Variants in RC3H2 observed in about 807,000 individuals in gnomAD.
RC3H2 encodes roquin-2.
In RC3H2, 31 loss-of-function variants were observed where a neutral mutation model predicts 133.3. The observed-to-expected ratio is 0.23, with a 90% CI of 0.17 to 0.31. The LOEUF (loss-of-function observed/expected upper bound fraction) is 0.31, where lower values mean the gene tolerates loss of function less well. Among genes scored for constraint, RC3H2 ranks in the 10% least tolerant of loss-of-function variants. RC3H2 has a pLI of 1.00. For missense variants in RC3H2, 1,175 were observed against 1,437.2 expected, an observed-to-expected ratio of 0.82 and a Z score of 2.95; for synonymous variants, 517 against 502.2, an observed-to-expected ratio of 1.03 and a Z score of -0.40.
intron 1 of RC3H2, among the ~76,000 whole-genome samples, chr9:122,902,234 T>C (rs1464042185): frequency 1.3e-5 from 2 of 152,180 alleles, no homozygotes; most frequent in Non-Finnish European, 2.9e-5. Context: ...CCCAGCCAAC[T>C]TTCTATTTTA....
At chr9:122,894,821 A>C (rs2131498209) in intron 2 of RC3H2, among the ~76,000 whole-genome samples, 1 of 152,288 alleles carries the variant, frequency 6.6e-6, no homozygotes, top group East Asian at 1.9e-4. Context: ...TGGAGGTTGC[A>C]GTGAGCCGAG....
intron 4 of RC3H2, among the ~76,000 whole-genome samples, chr9:122,884,315 GAAC>G (rs1367813525): frequency 6.6e-6 from 1 of 151,890 alleles, no homozygotes; most frequent in African/African-American, 2.4e-5. Context: ...TAAACACACA[GAAC>G]TACTCTGACA....
intron 5 of RC3H2, 66 bp from the exon 6 acceptor site, chr9:122,880,860 T>C: frequency 8.3e-7 from 1 of 1,204,020 alleles, no homozygotes. Flanking sequence ...GATTCGTTTA[T>C]TCCTTTTTCA....
chr9:122,862,297 T>G (rs573828555), intron 10 of RC3H2, among the ~76,000 whole-genome samples: 34 of 152,334 alleles, frequency 2.2e-4, no homozygotes, highest in African/African-American at 7.9e-4. Context: ...TTGGAACTTA[T>G]AGAAAAAGCT....
At chr9:122,867,281 G>C in intron 9 of RC3H2, among the ~76,000 whole-genome samples, 1 of 111,268 alleles carries the variant, frequency 9.0e-6, no homozygotes, top group Admixed American at 8.0e-5. Context: ...GGAGGGAGGT[G>C]GGGGGGTCAG....
intron 9 of RC3H2, among the ~76,000 whole-genome samples, chr9:122,867,076 G>A (rs1184719705): frequency 7.2e-6 from 1 of 138,150 alleles, no homozygotes; most frequent in East Asian, 2.1e-4. Flanking sequence ...GAGGTGAGGA[G>A]CGTCTCTGCC....
intron 8 of RC3H2, among the ~76,000 whole-genome samples, chr9:122,878,283 T>C (rs1310270391): frequency 6.6e-6 from 1 of 152,208 alleles, no homozygotes; most frequent in Non-Finnish European, 1.5e-5. Context: ...ATTTTTATCT[T>C]TGAGACGGAG....
intron 8 of RC3H2, among the ~76,000 whole-genome samples, chr9:122,879,207 C>A (rs183850896): frequency 9.0e-4 from 137 of 151,634 alleles, no homozygotes; most frequent in African/African-American, 3.1e-3. Context: ...ACCAGCCTGG[C>A]CAACATGGTA....
chr9:122,875,613 G>A (rs1221043597), intron 9 of RC3H2, among the ~76,000 whole-genome samples: 1 of 152,184 alleles, frequency 6.6e-6, no homozygotes, highest in Non-Finnish European at 1.5e-5. Context: ...AATTTTATGT[G>A]ATAAGTGTTT....
intron 20 of RC3H2, 79 bp downstream of exon 20, chr9:122,851,002 G>A (rs1394170497): frequency 6.6e-7 from 1 of 1,518,554 alleles, no homozygotes; most frequent in African/African-American, 1.4e-5. Flanking sequence ...ACAGCATAAA[G>A]CCAAAAATTA....
chr9:122,890,616 G>T, intron 3 of RC3H2, 71 bp from the exon 4 acceptor site: 1 of 1,179,790 alleles, frequency 8.5e-7, no homozygotes, highest in Non-Finnish European at 1.2e-6. Flanking sequence ...TTCATTATCT[G>T]CATTTAACGA....
At chr9:122,855,685 T>G in intron 14 of RC3H2, 47 bp downstream of exon 14, 1 of 1,569,490 alleles carries the variant, frequency 6.4e-7, no homozygotes, top group Non-Finnish European at 8.6e-7. Context: ...TGAGTGAACA[T>G]GCATCATCTC....
chr9:122,903,528 A>G (rs184596872), intron 1 of RC3H2, among the ~76,000 whole-genome samples: 4 of 152,362 alleles, frequency 2.6e-5, no homozygotes, highest in Admixed American at 2.6e-4. Flanking sequence ...TATATGAACA[A>G]AGGACGTAAG....
intron 13 of RC3H2, among the ~76,000 whole-genome samples, chr9:122,856,259 T>C (rs1053527448): frequency 3.3e-5 from 5 of 152,150 alleles, no homozygotes; most frequent in Non-Finnish European, 7.3e-5. Context: ...ATAATTTTCT[T>C]TTTTCTTTTG....
At chr9:122,895,413 C>T (rs545873685) in intron 2 of RC3H2, among the ~76,000 whole-genome samples, 2 of 152,178 alleles carry the variant, frequency 1.3e-5, no homozygotes, top group Non-Finnish European at 2.9e-5. Context: ...AGCAGCCTGC[C>T]CACTTCAGCC....
At chr9:122,901,928 C>CTT (rs542589870) in intron 1 of RC3H2, among the ~76,000 whole-genome samples, 7 of 116,866 alleles carry the variant, frequency 6.0e-5, no homozygotes, top group Non-Finnish European at 9.2e-5. Flanking sequence ...ATAACTACTT[C>CTT]TTTTTTTTTT....
At chr9:122,867,285 G>A (rs1830742137) in intron 9 of RC3H2, among the ~76,000 whole-genome samples, 3 of 73,498 alleles carry the variant, frequency 4.1e-5, no homozygotes, top group Non-Finnish European at 5.6e-5. Flanking sequence ...GGAGGTGGGG[G>A]GGTCAGCCCC....
chr9:122,858,826 T>C lies in RC3H2; in HGVS notation c.2126A>G (p.Asp709Gly), dbSNP rs1196865315. The C allele has an allele frequency of 2.5e-6, 4 of 1,614,282 alleles. No individual in the cohort carries two copies. Among genetic ancestry groups the C allele is most frequent in the Non-Finnish European group, 3.4e-6 (4 of 1,180,056 alleles). Residue 709 changes from aspartate (D) to glycine (G), a missense_variant, in exon 12 of 21, where the codon GAT (aspartate) becomes GGT (glycine). This residue lies in a region of RC3H2 where 490 missense variants were observed against 492.8 expected (regional missense o/e 0.99). Transcript: ENST00000357244. ...TAAAGAATTGCTTCTAATAATGTCA[T>C]CTCGTTGGTACATAGGTGGGCGCCA... Reference protein sequence around the residue: ...RIWRPPMYQRDDIIRSNSLPP... With the variant: ...RIWRPPMYQRGDIIRSNSLPP...
At chr9:122,887,410 T>TG (rs1489246174) in intron 4 of RC3H2, among the ~76,000 whole-genome samples, 2 of 152,068 alleles carry the variant, frequency 1.3e-5, no homozygotes, top group Non-Finnish European at 2.9e-5. Context: ...TCTCTTTCTC[T>TG]GGGGGTCAAC....
Sources: allele counts gnomAD v4.1 joint callset (sites outside exome capture counted in the v4.1 genomes callset), GRCh38; gene constraint gnomAD v4.1.1; regional missense constraint gnomAD v4.1.1; transcripts MANE v1.5; gene names NCBI Gene and HGNC (gene_info 2026-07-23, HGNC 2026-07-21).